Variants in TSPAN16 observed in about 807,000 individuals in gnomAD.
The protein encoded by TSPAN16 is tetraspanin 16.
A neutral mutation model predicts 25.2 loss-of-function variants in TSPAN16; 23 were observed. That is an observed-to-expected ratio of 0.91 (90% CI 0.66 to 1.29). The LOEUF (loss-of-function observed/expected upper bound fraction) is 1.29. TSPAN16 is among the 50% of genes most tolerant of loss of function. The probability of loss-of-function intolerance (pLI) is 0.00; values close to 1 mark genes in which losing one functional copy is unlikely to be tolerated. For missense variants in TSPAN16, 272 were observed against 299.9 expected, an observed-to-expected ratio of 0.91 and a Z score of 0.69; for synonymous variants, 123 against 124.4, an observed-to-expected ratio of 0.99 and a Z score of 0.08.
chr19:11,326,208 C>A (rs970930906), intron 6 of TSPAN16, among the ~76,000 whole-genome samples: 1 of 147,974 alleles, frequency 6.8e-6, no homozygotes, highest in African/African-American at 2.6e-5. Context: ...GGCAACAGAG[C>A]GAGATTCTAT....
At chr19:11,316,525 C>T (rs2080750405), downstream of TSPAN16, among the ~76,000 whole-genome samples, 1 of 152,122 alleles carries the variant, frequency 6.6e-6, no homozygotes, top group South Asian at 2.1e-4. Context: ...CAAAGATTGA[C>T]ATATTTGCTT....
intron 2 of TSPAN16, 25 bp from the exon 3 acceptor site, chr19:11,298,847 C>T (rs2080509744): frequency 6.2e-7 from 1 of 1,608,970 alleles, no homozygotes; most frequent in Middle Eastern, 1.7e-4. Context: ...GGCTCCCAGG[C>T]CCTCTCTCCC....
Position 11,307,205 on chromosome 19 carries a change from C to T in TSPAN16, c.603+449C>T, listed in dbSNP as rs140402219. Reference sequence around the variant, plus strand: ...TGCCATCTTGGCTCACTGCAACCTCCGCCTCCTGGGTTCAAGTGATTCTCC... The same window carrying T: ...TGCCATCTTGGCTCACTGCAACCTCTGCCTCCTGGGTTCAAGTGATTCTCC... On this transcript the variant is annotated intron_variant, in intron 5 of 6. Transcript: ENST00000590327. Among the ~76,000 whole-genome samples the T allele has an allele frequency of 6.0e-5, 9 of 151,066 alleles. No homozygotes were observed. In the South Asian group the frequency reaches 1.0e-3, roughly 18 times the overall value.
At position 11,298,147 on chromosome 19, in the gene TSPAN16, T is replaced by A. The variant is rs1242344294; in HGVS notation, c.75T>A (p.Ser25=). The change falls in exon 2 of 7, where the codon TCT becomes TCA. Residue 25 remains serine, a synonymous_variant. Transcript: ENST00000590327. ...LSLLNGFVAV[S]GIILVGLGIG... is the part of the protein sequence containing the mutation. The stretch of plus-strand genomic sequence containing the variant: ...TTCTGGTTTCTGTTCTAAAGGTGTC[T>A]GGCATCATCCTAGTTGGCCTGGGCA... The A allele has an allele frequency of 6.2e-7, 1 of 1,614,048 alleles. No homozygotes were observed. The highest frequency in any genetic ancestry group is 8.5e-7 in the Non-Finnish European group (1 of 1,180,024).
chr19:11,318,925 G>C (rs1452799671), downstream of TSPAN16, among the ~76,000 whole-genome samples: 1 of 152,198 alleles, frequency 6.6e-6, no homozygotes, highest in Non-Finnish European at 1.5e-5. Flanking sequence ...GGGATTACAG[G>C]CGTAAGCCAC....
intron 4 of TSPAN16, among the ~76,000 whole-genome samples, chr19:11,303,158 G>A (rs532576769): frequency 3.4e-5 from 5 of 147,670 alleles, no homozygotes; most frequent in African/African-American, 1.1e-4. Context: ...GATGGTTGTC[G>A]TGTCTGTGTA....
downstream of TSPAN16, among the ~76,000 whole-genome samples, chr19:11,317,230 A>G (rs1052296531): frequency 1.3e-5 from 2 of 152,342 alleles, no homozygotes; most frequent in East Asian, 3.9e-4. Context: ...GTTCACAACC[A>G]TAACACCGTT....
intron 6 of TSPAN16, chr19:11,325,623 C>A (rs777758770): frequency 7.0e-7 from 1 of 1,423,340 alleles, no homozygotes. Context: ...CGTAAGACCC[C>A]TGAGGGCAGA....
At chr19:11,303,209 C>G (rs1368904827) in intron 4 of TSPAN16, among the ~76,000 whole-genome samples, 1 of 144,564 alleles carries the variant, frequency 6.9e-6, no homozygotes, top group Admixed American at 6.9e-5. Context: ...TTGTTCTGTA[C>G]TAAGAAAAAT....
downstream of TSPAN16, among the ~76,000 whole-genome samples, chr19:11,316,802 C>G (rs1159905015): frequency 1.4e-5 from 2 of 142,414 alleles, no homozygotes; most frequent in Admixed American, 7.1e-5. Context: ...ATAGCAAGAC[C>G]CCCCCCGCCT....
chr19:11,321,293 CCTT>C (rs1193785743), intron 6 of TSPAN16: 1 of 152,136 alleles, frequency 6.6e-6, no homozygotes, highest in African/African-American at 2.4e-5. Context: ...AAGCCAGATA[CCTT>C]CTTCACAAGG....
chr19:11,320,122 C>CTTTTT (rs373015307), downstream of TSPAN16, among the ~76,000 whole-genome samples: 6 of 106,836 alleles, frequency 5.6e-5, 1 homozygote, highest in African/African-American at 1.2e-4. Flanking sequence ...CCGGCCAGGA[C>CTTTTT]TTTTTTTTTT....
At chr19:11,306,186 G>C (rs1471072667) in intron 4 of TSPAN16, among the ~76,000 whole-genome samples, 1 of 151,988 alleles carries the variant, frequency 6.6e-6, no homozygotes, top group East Asian at 1.9e-4. Context: ...GAGAATCACT[G>C]AGGAGTTCAG....
At chr19:11,319,208 T>G (rs1599350877), downstream of TSPAN16, among the ~76,000 whole-genome samples, 2 of 151,954 alleles carry the variant, frequency 1.3e-5, no homozygotes, top group Admixed American at 1.3e-4. Context: ...TCAGGGGGGG[T>G]TCTCACAAGC....
chr19:11,314,318 T>C (rs1408100761), intron 6 of TSPAN16, among the ~76,000 whole-genome samples: 3 of 152,154 alleles, frequency 2.0e-5, no homozygotes, highest in African/African-American at 7.2e-5. Flanking sequence ...ACTGTATACT[T>C]TAGAAAGGTA....
At chr19:11,299,794 G>A (rs1015621961) in intron 3 of TSPAN16, among the ~76,000 whole-genome samples, 18 of 151,916 alleles carry the variant, frequency 1.2e-4, no homozygotes, top group African/African-American at 3.9e-4. Flanking sequence ...GGCCAACATG[G>A]TAAAACCCCG....
At chr19:11,325,613 C>G (rs759980163) in intron 6 of TSPAN16, 2 of 1,449,436 alleles carry the variant, frequency 1.4e-6, no homozygotes, top group South Asian at 2.3e-5. Flanking sequence ...TGGGGACACT[C>G]GTAAGACCCC....
downstream of TSPAN16, among the ~76,000 whole-genome samples, chr19:11,318,648 TTC>T (rs2080761245): frequency 7.2e-6 from 1 of 139,434 alleles, no homozygotes; most frequent in East Asian, 2.0e-4. Context: ...CTAATTCCTT[TTC>T]TTTTTCTTTT....
At chr19:11,307,294 A>G (rs1038990217) in intron 5 of TSPAN16, among the ~76,000 whole-genome samples, 2 of 125,722 alleles carry the variant, frequency 1.6e-5, no homozygotes, top group East Asian at 2.4e-4. Context: ...TGATTTTTGT[A>G]TTTTTACTAG....
Sources: allele counts gnomAD v4.1 joint callset (sites outside exome capture counted in the v4.1 genomes callset), GRCh38; gene constraint gnomAD v4.1.1; transcripts MANE v1.5; gene names NCBI Gene and HGNC (gene_info 2026-07-23, HGNC 2026-07-21).